The following LOX variants were observed in gnomAD, a reference collection of about 807,000 sequenced individuals.
The protein encoded by LOX is protein-lysine 6-oxidase.
A neutral mutation model predicts 50.5 loss-of-function variants in LOX; 12 were observed. That is an observed-to-expected ratio of 0.24 (90% CI 0.15 to 0.38). The LOEUF (loss-of-function observed/expected upper bound fraction) is 0.38, where lower values mean the gene tolerates loss of function less well. Ranked by LOEUF, LOX falls within the 10% of genes least tolerant of loss-of-function variation. The probability of loss-of-function intolerance (pLI) is 1.00; values close to 1 mark genes in which losing one functional copy is unlikely to be tolerated. For missense variants in LOX, 504 were observed against 563.8 expected, an observed-to-expected ratio of 0.89 and a Z score of 1.07; for synonymous variants, 254 against 230.6, an observed-to-expected ratio of 1.10 and a Z score of -0.92.
rs914738186 is a variant in LOX at position 122,070,391 on chromosome 5, G to A, written c.1131+103C>T. 4.4e-6 allele frequency: 3 copies of A among 688,476 alleles called. No individual in the cohort carries two copies. The African/African-American group carries it at 5.4e-5, about 12-fold the overall frequency. The allele number at this position is 688,476 out of a possible 1,614,324, so 42.6% of individuals were successfully genotyped here. A position where few individuals can be genotyped will look rare whatever the true frequency, so the allele number is the denominator to read the frequency against. On this transcript the variant is annotated intron_variant, in intron 5 of 6. Transcript: ENST00000231004. ...GATTGTTTATAAATAGTTTGAGGAT[G>A]TATAATTGCTTCCAATACCATGATT...
Position 122,075,518 on chromosome 5 carries a change from C to T in LOX, c.764G>A (p.Arg255Lys), listed in dbSNP as rs1580565420. 1.9e-6 allele frequency: 3 copies of T among 1,611,742 alleles called. No homozygotes were observed. The highest frequency in any genetic ancestry group is 1.7e-6 in the Non-Finnish European group (2 of 1,178,998). The change falls in exon 3 of 7, where the codon AGA becomes AAA. Residue 255 changes from arginine to lysine, a missense_variant. Physicochemically the swap from Arg to Lys is conservative, Grantham distance 26. Transcript: ENST00000231004. Reference protein sequence around the residue: ...LASTAYRADVRDYDHRVLLRF... With the variant: ...LASTAYRADVKDYDHRVLLRF... ...GAGCAGCACCCTGTGATCATAATCT[C>T]TGACATCTGCCCTGTATGCTGTACT... is the stretch of plus-strand genomic sequence containing the variant.
intron 4 of LOX, among the ~76,000 whole-genome samples, chr5:122,071,939 A>T (rs1349996030): frequency 6.6e-6 from 1 of 152,162 alleles, no homozygotes; most frequent in Non-Finnish European, 1.5e-5. Flanking sequence ...AGTGAGACTC[A>T]TATTCTGTTG....
At chr5:122,072,247 A>C (rs973775310) in intron 4 of LOX, among the ~76,000 whole-genome samples, 6 of 152,202 alleles carry the variant, frequency 3.9e-5, no homozygotes, top group Non-Finnish European at 7.3e-5. Context: ...CGAGTTCATA[A>C]GCTGGCAGAA....
At chr5:122,075,320 A>G in intron 3 of LOX, 84 bp downstream of exon 3, 1 of 1,289,722 alleles carries the variant, frequency 7.8e-7, no homozygotes, top group Non-Finnish European at 1.1e-6. Flanking sequence ...TTCAGGTAAG[A>G]AATAAGACTT....
Position 122,077,073 on chromosome 5 carries a change from T to A in LOX, c.632-72A>T, listed in dbSNP as rs1359924965. The stretch of plus-strand genomic sequence containing the variant: ...CCCCCGCTCCAACTCCCTACCCCTC[T>A]AGGTCCCTTACTCCTCACCCTTCGC... On this transcript the variant is annotated intron_variant, in intron 1 of 6. Transcript: ENST00000231004. The surrounding 1 kb of genome is among the most constrained non-coding windows in gnomAD (Gnocchi z 4.9). The A allele has an allele frequency of 6.3e-7, 1 of 1,581,712 alleles. No homozygotes were observed. The highest frequency in any genetic ancestry group is 8.6e-7 in the Non-Finnish European group (1 of 1,168,370).
intron 6 of LOX, among the ~76,000 whole-genome samples, chr5:122,068,174 T>TAAAAAAAAAAAAAAAAAAAAAAA (rs10650287): frequency 8.6e-6 from 1 of 115,910 alleles, no homozygotes; most frequent in Admixed American, 9.2e-5. Context: ...TAATAACTAG[T>TAAAAAAAAAAAAAAAAAAAAAAA]AAAAAAAAAA....
Position 122,066,555 on chromosome 5 carries a change from A to G in LOX, c.*188T>C. 2.0e-6 allele frequency: 1 copy of G among 491,852 alleles called. No individual in the cohort carries two copies. Among genetic ancestry groups the G allele is most frequent in the Non-Finnish European group, 3.7e-6 (1 of 267,550 alleles). 30.5% of individuals were successfully genotyped at this position (491,852 alleles called of 1,614,324 possible). On this transcript the variant is annotated 3_prime_UTR_variant, in exon 7 of 7. Coordinates refer to ENST00000231004, the MANE Select transcript of LOX (RefSeq NM_002317.7). ...AATAATAAACATTAAAAATTTCCCA[A>G]GTAATGATGACTTAAGCGTTCAAAA...
intron 3 of LOX, 189 bp downstream of exon 3, chr5:122,075,215 T>G (rs1168204298): frequency 7.8e-6 from 4 of 513,840 alleles, no homozygotes; most frequent in African/African-American, 1.9e-5. Context: ...GCTTCAGATT[T>G]TCCATTTCAA....
At chr5:122,074,648 C>G (rs1754563063) in intron 3 of LOX, among the ~76,000 whole-genome samples, 2 of 152,018 alleles carry the variant, frequency 1.3e-5, no homozygotes, top group African/African-American at 4.8e-5. Context: ...CATGTTTTAT[C>G]CACCATTATT....
At position 122,066,715 on chromosome 5, in the gene LOX, T is replaced by A. The variant is rs1000418950; in HGVS notation, c.*28A>T. The A allele has an allele frequency of 9.4e-6, 15 of 1,593,662 alleles. No homozygotes were observed. Among genetic ancestry groups the A allele is most frequent in the Middle Eastern group, 1.7e-4 (1 of 5,996 alleles). On this transcript the variant is annotated 3_prime_UTR_variant, in exon 7 of 7. Coordinates refer to ENST00000231004, the MANE Select transcript of LOX (RefSeq NM_002317.7). ...CCACTTCAGAACACCAGGCACTGAT[T>A]TATCCATTGGGAGTTTTGCTTTGCC...
chr5:122,073,138 A>G (rs528906669), intron 4 of LOX, among the ~76,000 whole-genome samples: 1 of 152,306 alleles, frequency 6.6e-6, no homozygotes, highest in East Asian at 1.9e-4. Flanking sequence ...CAAGATGCCA[A>G]CTGCTGATCC....
At chr5:122,076,762 C>G (rs897459021) in intron 2 of LOX, 131 bp downstream of exon 2, 1 of 706,022 alleles carries the variant, frequency 1.4e-6, no homozygotes, top group African/African-American at 1.8e-5. Context: ...CAGGAGGTCA[C>G]GTCCCACTTC....
rs779247048 is a variant in LOX, at chr5:122,077,498, A to T, written c.488T>A (p.Val163Glu). The T allele has an allele frequency of 5.0e-6, 8 of 1,613,808 alleles. No homozygotes were observed. The South Asian group carries it at 8.8e-5, about 18-fold the overall frequency. ...ALSNLRPPSR[V>E]DGMVGDDPYN... is the part of the protein sequence containing the mutation. ...AGGGTCGTCGCCCACCATGCCGTCC[A>T]CGCGGCTGGGCGGCCGCAGGTTACT... The change falls in exon 1 of 7, where the codon GTG (valine) becomes GAG (glutamate). Residue 163 changes from valine (V) to glutamate (E), a missense_variant. Physicochemically the swap from Val to Glu is moderately radical, Grantham distance 121. This residue lies in a region of LOX where 398 missense variants were observed against 365.8 expected (regional missense o/e 1.09). Transcript: ENST00000231004. The surrounding 1 kb of genome is among the most constrained non-coding windows in gnomAD (Gnocchi z 4.9).
rs1358871918 is a variant in LOX, at chr5:122,077,555, T to C, written c.431A>G (p.Asn144Ser). The stretch of plus-strand genomic sequence containing the variant: ...AGGAACTTCTCCCGGCGCTGTCTGG[T>C]TCTCCGCGCGCGAGGCGCCAGCTTC... ...AREAGASRAE[N>S]QTAPGEVPAL... The change falls in exon 1 of 7, where the codon AAC becomes AGC. Residue 144 changes from asparagine (N) to serine (S), a missense_variant. This residue lies in a region of LOX where 398 missense variants were observed against 365.8 expected (regional missense o/e 1.09). Coordinates refer to ENST00000231004, the MANE Select transcript of LOX (RefSeq NM_002317.7). The surrounding 1 kb of genome is among the most constrained non-coding windows in gnomAD (Gnocchi z 4.9). The C allele has an allele frequency of 2.5e-6, 4 of 1,613,140 alleles. No individual in the cohort carries two copies. The highest frequency in any genetic ancestry group is 3.4e-6 in the Non-Finnish European group (4 of 1,179,884).
In LOX at chr5:122,078,155, C is replaced by G. The variant is rs1238167710; in HGVS notation, c.-170G>C. The G allele has an allele frequency of 3.7e-6, 2 of 545,062 alleles. No individual in the cohort carries two copies. Among genetic ancestry groups the G allele is most frequent in the Admixed American group, 4.3e-5 (1 of 23,062 alleles). The allele number at this position is 545,062 out of a possible 1,614,324, so 33.8% of individuals were successfully genotyped here. A position where few individuals can be genotyped will look rare whatever the true frequency, so the allele number is the denominator to read the frequency against. The stretch of plus-strand genomic sequence containing the variant: ...CCAAGGGTGGGATTCAGACCCTTCC[C>G]CAGTCAAGGCGGCTGCTCGGACGTG... On this transcript the variant is annotated 5_prime_UTR_variant, in exon 1 of 7. Coordinates refer to ENST00000231004, the MANE Select transcript of LOX (RefSeq NM_002317.7).
In LOX at chr5:122,077,945, T is replaced by C; in HGVS notation, c.41A>G (p.Gln14Arg). The C allele has an allele frequency of 6.7e-7, 1 of 1,486,528 alleles. No individual in the cohort carries two copies. Among genetic ancestry groups the C allele is most frequent in the Non-Finnish European group, 8.9e-7 (1 of 1,128,708 alleles). 92.1% of individuals were successfully genotyped at this position (1,486,528 alleles called of 1,614,324 possible). A position where few individuals can be genotyped will look rare whatever the true frequency, so the allele number is the denominator to read the frequency against. Residue 14 changes from glutamine to arginine, a missense_variant, in exon 1 of 7, where the codon CAG becomes CGG. Physicochemically the swap from Gln to Arg is conservative, Grantham distance 43. Around this residue, in one of 2 missense-constraint regions of LOX, gnomAD observed 398 missense variants for 365.8 expected, o/e 1.09. Coordinates refer to ENST00000231004, the MANE Select transcript of LOX (RefSeq NM_002317.7). This position sits in a 1 kb window ranked among gnomAD's most constrained non-coding sequence, Gnocchi z 4.9. ...AWTVLLLGPL[Q>R]LCALVHCAPP... ...GGCGCAGTGCACTAGCGCGCAGAGC[T>C]GCAAAGGCCCGAGCAGGAGCACGGT...
intron 6 of LOX, among the ~76,000 whole-genome samples, chr5:122,067,915 G>C (rs906229061): frequency 1.3e-5 from 2 of 151,944 alleles, no homozygotes; most frequent in African/African-American, 2.4e-5. Flanking sequence ...CCTCTCCTCT[G>C]TCTGAACTCT....
chr5:122,074,320 G>GT (rs145567866), intron 3 of LOX, 151 bp from the exon 4 acceptor site: 1,889 of 611,600 alleles, frequency 3.1e-3, no homozygotes, highest in South Asian at 7.0e-3. Context: ...TCATGCTAGG[G>GT]TTTTTTTTTC....
At chr5:122,067,268 T>C (rs1754325528) in intron 6 of LOX, among the ~76,000 whole-genome samples, 1 of 151,454 alleles carries the variant, frequency 6.6e-6, no homozygotes, top group Non-Finnish European at 1.5e-5. Flanking sequence ...ATTCAAATCA[T>C]AAACTACCAA....
Sources: allele counts gnomAD v4.1 joint callset (sites outside exome capture counted in the v4.1 genomes callset), GRCh38; gene constraint gnomAD v4.1.1; regional missense constraint gnomAD v4.1.1; non-coding constraint Gnocchi (gnomAD v3.1); transcripts MANE v1.5; gene names NCBI Gene and HGNC (gene_info 2026-07-23, HGNC 2026-07-21).